The following HSD17B12 variants were observed in gnomAD, a reference collection of about 807,000 sequenced individuals.
The protein encoded by HSD17B12 is hydroxysteroid 17-beta dehydrogenase 12.
In HSD17B12, 32 loss-of-function variants were observed where a neutral mutation model predicts 39.3. The observed-to-expected ratio is 0.81, with a 90% CI of 0.61 to 1.09. The LOEUF is 1.09. Among genes scored for constraint, HSD17B12 ranks in the 50% least tolerant of loss-of-function variants. The probability of loss-of-function intolerance (pLI) is 0.00; values close to 1 mark genes in which losing one functional copy is unlikely to be tolerated. For synonymous variants in HSD17B12, 150 were observed against 146.7 expected (o/e 1.02, Z -0.16); for missense variants, 342 against 382.9 (o/e 0.89, Z 0.89).
chr11:43,817,988 T>G (rs1407318667), intron 6 of HSD17B12, among the ~76,000 whole-genome samples: 1 of 152,168 alleles, frequency 6.6e-6, no homozygotes, highest in African/African-American at 2.4e-5. Context: ...ATGGGATGTA[T>G]TTCCATTTGT....
At chr11:43,804,333 G>GC (rs1487955580) in intron 4 of HSD17B12, among the ~76,000 whole-genome samples, 1 of 152,118 alleles carries the variant, frequency 6.6e-6, no homozygotes, top group East Asian at 1.9e-4. Flanking sequence ...GACCTGTGTT[G>GC]CCCTACTGGC....
intron 2 of HSD17B12, among the ~76,000 whole-genome samples, chr11:43,753,156 T>C (rs1950480423): frequency 6.6e-6 from 1 of 152,190 alleles, no homozygotes. Flanking sequence ...TAAATCTTTT[T>C]CATTATGTAC....
At position 43,763,586 on chromosome 11, in the gene HSD17B12, TTA is replaced by T. The variant is rs144415393; in HGVS notation, c.283+9480_283+9481del. Among the ~76,000 whole-genome samples the T allele has an allele frequency of 2.3e-3, 342 of 145,842 alleles. 1 individual carries two copies. The highest frequency in any genetic ancestry group is 7.7e-3 in the African/African-American group (310 of 40,116). On this transcript the variant is annotated intron_variant, in intron 3 of 10. Coordinates refer to ENST00000278353, the MANE Select transcript of HSD17B12 (RefSeq NM_016142.3). ...GTTGATTTCAATATATTTTATACCC[TTA>T]TATATATATATATAAGGTTATCTTA...
intron 3 of HSD17B12, among the ~76,000 whole-genome samples, chr11:43,781,559 A>C (rs1950765927): frequency 6.6e-6 from 1 of 152,218 alleles, no homozygotes; most frequent in African/African-American, 2.4e-5. Flanking sequence ...ATCTCTGGGC[A>C]GTAAGAAAAC....
chr11:43,572,139 G>A, the HSD17B12 span, among the ~76,000 whole-genome samples: 5 of 152,156 alleles, frequency 3.3e-5, no homozygotes, highest in African/African-American at 1.2e-4. Flanking sequence ...GGCATCCTCG[G>A]TGTGAGTGGA....
intron 1 of HSD17B12, among the ~76,000 whole-genome samples, chr11:43,689,714 T>G (rs1949834789): frequency 6.6e-6 from 1 of 151,688 alleles, no homozygotes; most frequent in African/African-American, 2.4e-5. Flanking sequence ...ACCCTGATAA[T>G]TTTTTTGTAT....
At chr11:43,818,172 G>A (rs1951147986) in intron 6 of HSD17B12, among the ~76,000 whole-genome samples, 1 of 152,094 alleles carries the variant, frequency 6.6e-6, no homozygotes, top group African/African-American at 2.4e-5. Context: ...CTGATAAATT[G>A]TTTCCATTTT....
At chr11:43,558,077 T>C in the HSD17B12 span, among the ~76,000 whole-genome samples, 1 of 152,260 alleles carries the variant, frequency 6.6e-6, no homozygotes, top group South Asian at 2.1e-4. Flanking sequence ...TATCAACAAG[T>C]GTTTCTCCTG....
chr11:43,715,090 T>C (rs532537141), intron 1 of HSD17B12, among the ~76,000 whole-genome samples: 2 of 152,296 alleles, frequency 1.3e-5, no homozygotes, highest in East Asian at 3.9e-4. Context: ...TTTGACTTCC[T>C]CTTTTCCTAA....
chr11:43,799,232 C>A (rs1021123531), intron 4 of HSD17B12, among the ~76,000 whole-genome samples: 1 of 151,872 alleles, frequency 6.6e-6, no homozygotes, highest in South Asian at 2.1e-4. Context: ...TATATCTCTG[C>A]TTTATAAAAA....
chr11:43,702,325 T>G (rs903245452), intron 1 of HSD17B12, among the ~76,000 whole-genome samples: 1 of 152,312 alleles, frequency 6.6e-6, no homozygotes, highest in East Asian at 1.9e-4. Flanking sequence ...ATTATATCTT[T>G]CTCTAATCCA....
In HSD17B12 at chr11:43,824,733, C is replaced by T. The variant is rs560267957; in HGVS notation, c.502-6243C>T. ...GGTGGAGGTTGGGCGCAGCGGCTCA[C>T]GCCTGTAATCCCAGCATTTTGGGAG... is the stretch of plus-strand genomic sequence containing the variant. On this transcript the variant is annotated intron_variant, in intron 6 of 10. Transcript: ENST00000278353. Among the ~76,000 whole-genome samples, 17 of 152,340 alleles carry T rather than the reference C, an allele frequency of 1.1e-4. 1 individual carries two copies. Among genetic ancestry groups the T allele is most frequent in the Admixed American group, 5.9e-4 (9 of 15,308 alleles).
chr11:43,818,740 C>G (rs1411036885), intron 6 of HSD17B12, among the ~76,000 whole-genome samples: 1 of 152,034 alleles, frequency 6.6e-6, no homozygotes, highest in African/African-American at 2.4e-5. Flanking sequence ...CTCTCATGCA[C>G]AAAATTGATG....
intron 6 of HSD17B12, among the ~76,000 whole-genome samples, chr11:43,825,737 T>A (rs1354021566): frequency 6.6e-6 from 1 of 152,232 alleles, no homozygotes; most frequent in Non-Finnish European, 1.5e-5. Flanking sequence ...AGTGTCATAG[T>A]AATGGCCTGC....
chr11:43,607,518 T>C, the HSD17B12 span, among the ~76,000 whole-genome samples: 1 of 152,218 alleles, frequency 6.6e-6, no homozygotes, highest in African/African-American at 2.4e-5. Flanking sequence ...CACTCACTAT[T>C]TTATATGTGC....
chr11:43,809,712 C>T (rs1156981443), intron 4 of HSD17B12, among the ~76,000 whole-genome samples: 2 of 152,058 alleles, frequency 1.3e-5, no homozygotes, highest in Non-Finnish European at 2.9e-5. Flanking sequence ...CCCAGCTACT[C>T]AGTAGGCTGA....
At chr11:43,572,787 C>T in the HSD17B12 span, among the ~76,000 whole-genome samples, 18,060 of 152,168 alleles carry the variant, frequency 0.12, 1,389 homozygotes, top group East Asian at 0.42. Flanking sequence ...GGTTTCTTCT[C>T]TCTCCCTCTT....
At chr11:43,557,936 A>C in the HSD17B12 span, among the ~76,000 whole-genome samples, 37 of 152,136 alleles carry the variant, frequency 2.4e-4, no homozygotes, top group East Asian at 6.2e-3. Flanking sequence ...TCGTGGAAGG[A>C]GGGGCGTTCT....
the HSD17B12 span, among the ~76,000 whole-genome samples, chr11:43,574,546 A>T: frequency 5.3e-4 from 81 of 152,224 alleles, no homozygotes; most frequent in Non-Finnish European, 1.0e-3. Flanking sequence ...CCCCACCTCC[A>T]TCACTCATCA....
Sources: gnomAD v4.1 joint callset for allele counts (sites outside exome capture counted in the v4.1 genomes callset) on GRCh38, gnomAD v4.1.1 for gene constraint, MANE v1.5 for transcripts, NCBI Gene and HGNC (gene_info 2026-07-23, HGNC 2026-07-21) for gene names.